Variants in ZFPM2 observed in about 807,000 individuals in gnomAD.
The protein encoded by ZFPM2 is zinc finger protein ZFPM2.
Under a neutral mutation model 98.6 loss-of-function variants are expected in ZFPM2, and 20 were observed. That is an observed-to-expected ratio of 0.20 (90% CI 0.14 to 0.29). The LOEUF (loss-of-function observed/expected upper bound fraction) is 0.29, where lower values mean the gene tolerates loss of function less well. Ranked by LOEUF, ZFPM2 falls within the 10% of genes least tolerant of loss-of-function variation. The pLI is 1.00. For synonymous variants in ZFPM2, 518 were observed against 502.7 expected, an observed-to-expected ratio of 1.03 and a Z score of -0.41; for missense variants, 1,310 against 1,388.6, an observed-to-expected ratio of 0.94 and a Z score of 0.90.
chr8:105,734,282 T>A (rs1812017686), intron 5 of ZFPM2, among the ~76,000 whole-genome samples: 1 of 151,982 alleles, frequency 6.6e-6, no homozygotes, highest in African/African-American at 2.4e-5. Context: ...AGCCATTTTA[T>A]TTAACTGTAA....
At chr8:105,516,830 G>C (rs1303605441) in intron 3 of ZFPM2, among the ~76,000 whole-genome samples, 2 of 152,140 alleles carry the variant, frequency 1.3e-5, no homozygotes, top group Non-Finnish European at 2.9e-5. Context: ...TATAATTTCT[G>C]ACACAAGCCT....
intron 5 of ZFPM2, among the ~76,000 whole-genome samples, chr8:105,775,996 T>C (rs1326134697): frequency 6.6e-6 from 1 of 151,744 alleles, no homozygotes. Context: ...CCGGGCCTGA[T>C]GACAATGACT....
chr8:105,765,826 A>G (rs1319262280), intron 5 of ZFPM2, among the ~76,000 whole-genome samples: 1 of 151,982 alleles, frequency 6.6e-6, no homozygotes, highest in Non-Finnish European at 1.5e-5. Context: ...AGGAAAAGAA[A>G]ATGGTATGCC....
intron 5 of ZFPM2, among the ~76,000 whole-genome samples, chr8:105,769,023 A>G (rs1327134551): frequency 6.6e-6 from 1 of 151,962 alleles, no homozygotes. Context: ...AGAGATTTGC[A>G]AGTCCTGTCT....
chr8:105,320,294 G>GTC (rs1266447421), intron 1 of ZFPM2, among the ~76,000 whole-genome samples: 1 of 151,542 alleles, frequency 6.6e-6, no homozygotes, highest in Non-Finnish European at 1.5e-5. Flanking sequence ...GTGTGTGTGT[G>GTC]TGTGTCTGCT....
chr8:105,768,940 C>A (rs917047206), intron 5 of ZFPM2, among the ~76,000 whole-genome samples: 2 of 151,890 alleles, frequency 1.3e-5, no homozygotes, highest in African/African-American at 2.4e-5. Flanking sequence ...GAAACCCCCC[C>A]ATGGTTCCTA....
At chr8:105,721,292 G>A (rs770918071) in intron 5 of ZFPM2, among the ~76,000 whole-genome samples, 1 of 151,890 alleles carries the variant, frequency 6.6e-6, no homozygotes, top group Non-Finnish European at 1.5e-5. Context: ...CATGTTCAAG[G>A]GGCAACTGTA....
At chr8:105,534,270 CCTTCTT>C (rs1301051877) in intron 3 of ZFPM2, among the ~76,000 whole-genome samples, 2 of 44,936 alleles carry the variant, frequency 4.5e-5, no homozygotes, top group African/African-American at 2.8e-4. Context: ...TCCTTTCCTT[CCTTCTT>C]TCCCTCCCTC....
intron 3 of ZFPM2, among the ~76,000 whole-genome samples, chr8:105,553,591 G>C (rs2130670829): frequency 6.6e-6 from 1 of 152,212 alleles, no homozygotes; most frequent in South Asian, 2.1e-4. Flanking sequence ...CTAATTCAGT[G>C]CTCTTTGTGT....
chr8:105,676,253 G>A lies in ZFPM2; in HGVS notation c.532+41896G>A, dbSNP rs150815260. Among the ~76,000 whole-genome samples, 490 of 152,132 alleles carry A rather than the reference G, an allele frequency of 3.2e-3. 2 individuals carry two copies. The highest frequency in any genetic ancestry group is 8.9e-3 in the African/African-American group (370 of 41,518). ...TACTCACCAACACATTTATATTTTA[G>A]CACCACCAAGCTTTAAGAAGTGCTT... is the stretch of plus-strand genomic sequence containing the variant. On this transcript the variant is annotated intron_variant, in intron 5 of 7. Coordinates refer to ENST00000407775, the MANE Select transcript of ZFPM2 (RefSeq NM_012082.4).
chr8:105,546,990 T>A (rs1814721668), intron 3 of ZFPM2, among the ~76,000 whole-genome samples: 1 of 152,098 alleles, frequency 6.6e-6, no homozygotes, highest in Non-Finnish European at 1.5e-5. Context: ...GGGGAGGAGG[T>A]CAGATTCATC....
At chr8:105,718,816 C>G (rs1314773119) in intron 5 of ZFPM2, among the ~76,000 whole-genome samples, 3 of 151,846 alleles carry the variant, frequency 2.0e-5, no homozygotes, top group South Asian at 2.1e-4. Flanking sequence ...ACATGCAATC[C>G]CCGTGTCTCA....
intron 3 of ZFPM2, among the ~76,000 whole-genome samples, chr8:105,523,454 G>A (rs1814105714): frequency 6.6e-6 from 1 of 152,168 alleles, no homozygotes; most frequent in Non-Finnish European, 1.5e-5. Context: ...CTGCTCTTGT[G>A]TTGCCCCTCC....
intron 5 of ZFPM2, among the ~76,000 whole-genome samples, chr8:105,726,837 T>C (rs1811819969): frequency 6.6e-6 from 1 of 151,604 alleles, no homozygotes; most frequent in African/African-American, 2.4e-5. Context: ...AAGTAGAGAA[T>C]TGCCTAAATA....
chr8:105,532,468 G>T (rs1341583055), intron 3 of ZFPM2, among the ~76,000 whole-genome samples: 3 of 152,094 alleles, frequency 2.0e-5, no homozygotes, highest in Non-Finnish European at 2.9e-5. Context: ...ATTAATTTTT[G>T]AGTGGTATTG....
At chr8:105,644,290 T>A (rs1474121841) in intron 5 of ZFPM2, among the ~76,000 whole-genome samples, 1 of 143,190 alleles carries the variant, frequency 7.0e-6, no homozygotes, top group Non-Finnish European at 1.5e-5. Flanking sequence ...TTTCTTTTTT[T>A]TTTTTTTAAA....
At chr8:105,722,542 G>A (rs1256038368) in intron 5 of ZFPM2, among the ~76,000 whole-genome samples, 1 of 151,812 alleles carries the variant, frequency 6.6e-6, no homozygotes, top group African/African-American at 2.4e-5. Context: ...CACATATTTT[G>A]TATGTTATGT....
chr8:105,503,439 AT>A (rs1813636006), intron 3 of ZFPM2, among the ~76,000 whole-genome samples: 1 of 152,220 alleles, frequency 6.6e-6, no homozygotes, highest in Non-Finnish European at 1.5e-5. Context: ...GTAGATAAGA[AT>A]AAATTTCCAA....
At position 105,339,071 on chromosome 8, in the gene ZFPM2, A is replaced by C. The variant is rs373929863; in HGVS notation, c.40+20090A>C. 5.3e-5 allele frequency among the ~76,000 whole-genome samples: 8 copies of C among 151,934 alleles called. No individual in the cohort carries two copies. The East Asian group carries it at 7.8e-4, about 15-fold the overall frequency. On this transcript the variant is annotated intron_variant, in intron 1 of 7. Coordinates refer to ENST00000407775, the MANE Select transcript of ZFPM2 (RefSeq NM_012082.4). ...CTACTTTGTTACTGTCAGAATTAATATGTGGATAAAAATCTATGTTTTCAA... is the reference window on the plus strand; with the variant it reads ...CTACTTTGTTACTGTCAGAATTAATCTGTGGATAAAAATCTATGTTTTCAA...
Sources: gnomAD v4.1 joint callset for allele counts (sites outside exome capture counted in the v4.1 genomes callset) on GRCh38, gnomAD v4.1.1 for gene constraint, MANE v1.5 for transcripts, NCBI Gene and HGNC (gene_info 2026-07-23, HGNC 2026-07-21) for gene names.